DAPK1: variants seen among roughly 807,000 people sequenced by gnomAD.
DAPK1 encodes the protein death-associated protein kinase 1.
DAPK1 carries 56 observed loss-of-function variants against 144.9 expected under a neutral mutation model. The ratio of observed to expected loss-of-function variants is 0.39; its 90% CI spans 0.31 to 0.48. The LOEUF is 0.48. DAPK1 is among the 20% of genes least tolerant of loss of function. The probability of loss-of-function intolerance (pLI) is 0.95; values close to 1 mark genes in which losing one functional copy is unlikely to be tolerated. For synonymous variants in DAPK1, 690 were observed against 749.0 expected (o/e 0.92, Z 1.29); for missense variants, 1,454 against 1,875.4 (o/e 0.78, Z 4.15).
intron 2 of DAPK1, among the ~76,000 whole-genome samples, chr9:87,580,521 T>G (rs150069291): frequency 6.6e-6 from 1 of 152,352 alleles, no homozygotes; most frequent in African/African-American, 2.4e-5. Flanking sequence ...GGAAAATATC[T>G]CCATAGCAGA....
intron 17 of DAPK1, chr9:87,657,660 A>G (rs1444111963): frequency 7.3e-6 from 2 of 274,842 alleles, no homozygotes; most frequent in South Asian, 7.4e-5. Flanking sequence ...ACTAATTAGG[A>G]TGTCTTCAAT....
chr9:87,541,392 A>G (rs1356568711), intron 2 of DAPK1, among the ~76,000 whole-genome samples: 1 of 152,094 alleles, frequency 6.6e-6, no homozygotes, highest in African/African-American at 2.4e-5. Context: ...TACTGAAAAT[A>G]CAAAAAATTA....
intron 2 of DAPK1, among the ~76,000 whole-genome samples, chr9:87,515,409 A>T (rs1587676395): frequency 6.6e-6 from 1 of 152,234 alleles, no homozygotes; most frequent in South Asian, 2.1e-4. Flanking sequence ...ATAATTTAAT[A>T]TGCTGAAATG....
intron 2 of DAPK1, among the ~76,000 whole-genome samples, chr9:87,598,148 T>C (rs1828385745): frequency 6.6e-6 from 1 of 152,240 alleles, no homozygotes; most frequent in African/African-American, 2.4e-5. Flanking sequence ...TCTAATATTC[T>C]GGCAGAATTC....
intron 3 of DAPK1, among the ~76,000 whole-genome samples, chr9:87,611,004 T>C (rs1467433507): frequency 6.6e-6 from 1 of 151,396 alleles, no homozygotes; most frequent in Non-Finnish European, 1.5e-5. Context: ...TTTGTAAGTA[T>C]GTGAGCACAT....
At position 87,648,773 on chromosome 9, in the gene DAPK1, T is replaced by C. The variant is rs1295626164; in HGVS notation, c.1330-8T>C. Reference sequence around the variant, plus strand: ...GGCTCTGAATCACCGGCTCCTTTTCTTCTGCAGTCTGGAGAGATGGCCCTC... The same window carrying C: ...GGCTCTGAATCACCGGCTCCTTTTCCTCTGCAGTCTGGAGAGATGGCCCTC... On this transcript the variant is annotated splice_region_variant and splice_polypyrimidine_tract_variant and intron_variant, in intron 14 of 25. Coordinates refer to ENST00000408954, the MANE Select transcript of DAPK1 (RefSeq NM_004938.4). 2 of 1,613,258 alleles carry C rather than the reference T, an allele frequency of 1.2e-6. No individual in the cohort carries two copies. Among genetic ancestry groups the C allele is most frequent in the Admixed American group, 1.7e-5 (1 of 60,012 alleles).
intron 19 of DAPK1, among the ~76,000 whole-genome samples, chr9:87,676,120 A>G (rs1824369570): frequency 6.6e-6 from 1 of 152,162 alleles, no homozygotes; most frequent in African/African-American, 2.4e-5. Flanking sequence ...GTGGCACCAT[A>G]GTCCCCTCTC....
intron 2 of DAPK1, among the ~76,000 whole-genome samples, chr9:87,587,081 T>C (rs1317890110): frequency 1.3e-5 from 2 of 152,214 alleles, no homozygotes; most frequent in Non-Finnish European, 2.9e-5. Flanking sequence ...AAAGGTGAGA[T>C]TCGGAAGCAG....
chr9:87,541,573 A>G (rs372326600), intron 2 of DAPK1, among the ~76,000 whole-genome samples: 4 of 151,232 alleles, frequency 2.6e-5, no homozygotes, highest in African/African-American at 9.7e-5. Flanking sequence ...AAAAAGATGG[A>G]GAAAGACTTT....
At chr9:87,662,666 A>G (rs943649184) in intron 18 of DAPK1, among the ~76,000 whole-genome samples, 1 of 136,732 alleles carries the variant, frequency 7.3e-6, no homozygotes, top group African/African-American at 2.7e-5. Context: ...TGATTTCTGT[A>G]TGTTAATTTT....
intron 2 of DAPK1, among the ~76,000 whole-genome samples, chr9:87,520,171 A>G (rs1341363366): frequency 1.3e-5 from 2 of 152,302 alleles, no homozygotes; most frequent in Admixed American, 6.5e-5. Flanking sequence ...TATGGCTTAA[A>G]ATTAGTTCTA....
Position 87,653,233 on chromosome 9 carries a change from C to T in DAPK1, c.1824+1509C>T, listed in dbSNP as rs1200273068. Reference sequence around the variant, plus strand: ...GATTCTGTGTTCTGTCACCTGAACCCGGGTCCTGATTCTGTGTCCATCCCC... The same window carrying T: ...GATTCTGTGTTCTGTCACCTGAACCTGGGTCCTGATTCTGTGTCCATCCCC... On this transcript the variant is annotated intron_variant, in intron 17 of 25. Transcript: ENST00000408954. Among the ~76,000 whole-genome samples, 6 of 150,626 alleles carry T rather than the reference C, an allele frequency of 4.0e-5. No homozygotes were observed. In the South Asian group the frequency reaches 6.3e-4, roughly 16 times the overall value.
At chr9:87,595,721 G>A (rs1369171712) in intron 2 of DAPK1, among the ~76,000 whole-genome samples, 2 of 152,166 alleles carry the variant, frequency 1.3e-5, no homozygotes, top group African/African-American at 2.4e-5. Flanking sequence ...CCAAGGGACC[G>A]ACCTCTCCTC....
At chr9:87,575,079 G>A (rs1189317626) in intron 2 of DAPK1, among the ~76,000 whole-genome samples, 1 of 151,728 alleles carries the variant, frequency 6.6e-6, no homozygotes, top group Non-Finnish European at 1.5e-5. Flanking sequence ...AATTAGCCAG[G>A]CGTAGTGGTG....
intron 3 of DAPK1, among the ~76,000 whole-genome samples, chr9:87,606,541 CCTCCCTCT>C (rs1390689653): frequency 1.4e-4 from 16 of 111,044 alleles, no homozygotes; most frequent in Non-Finnish European, 2.1e-4. Context: ...TTCCCCCCTC[CCTCCCTCT>C]CTCCCTCTCT....
At position 87,670,388 on chromosome 9, in the gene DAPK1, G is replaced by T. The variant is rs187906858; in HGVS notation, c.2001+1714G>T. Among the ~76,000 whole-genome samples, 59 of 152,224 alleles carry T rather than the reference G, an allele frequency of 3.9e-4. No homozygotes were observed. The East Asian group carries it at 0.011, about 27-fold the overall frequency. On this transcript the variant is annotated intron_variant, in intron 19 of 25. Coordinates refer to ENST00000408954, the MANE Select transcript of DAPK1 (RefSeq NM_004938.4). ...GATAGTGAAAGGAGAAGAGAAGTCT[G>T]GTTTTTGCACAGGCTAAAAGAGCAC...
At position 87,698,708 on chromosome 9, in the gene DAPK1, C is replaced by T. The variant is rs199931949; in HGVS notation, c.2664C>T (p.His888=). Reference sequence around the variant, plus strand: ...TCCAAGTTGTCCTGGTGGCCACCCACGCTGACATCATGAATGTTCCTCGAC... The same window carrying T: ...TCCAAGTTGTCCTGGTGGCCACCCATGCTGACATCATGAATGTTCCTCGAC... The part of the protein sequence containing the change: ...NPLQVVLVAT[H]ADIMNVPRPA... Residue 888 remains histidine (H), a synonymous_variant, in exon 23 of 26, where the codon CAC becomes CAT. Transcript: ENST00000408954. 80 of 1,596,828 alleles carry T rather than the reference C, an allele frequency of 5.0e-5. No homozygotes were observed. In the East Asian group the frequency reaches 1.0e-3, roughly 20 times the overall value.
intron 2 of DAPK1, among the ~76,000 whole-genome samples, chr9:87,519,083 G>C (rs2118215289): frequency 6.6e-6 from 1 of 152,326 alleles, no homozygotes; most frequent in East Asian, 1.9e-4. Flanking sequence ...TTGGGGCCCT[G>C]TGCCCAGTCC....
intron 17 of DAPK1, among the ~76,000 whole-genome samples, chr9:87,654,176 G>C (rs4878116): frequency 0.46 from 70,461 of 151,972 alleles, 17,115 homozygotes; most frequent in East Asian, 0.61. Context: ...ATTTTAGCCA[G>C]CACCTTCCCT....
Sources: gnomAD v4.1 joint callset for allele counts (sites outside exome capture counted in the v4.1 genomes callset) on GRCh38, gnomAD v4.1.1 for gene constraint, MANE v1.5 for transcripts, NCBI Gene and HGNC (gene_info 2026-07-23, HGNC 2026-07-21) for gene names.